Variants in DMRT1 observed in about 807,000 individuals in gnomAD.
The protein encoded by DMRT1 is doublesex and mab-3 related transcription factor 1, also known as doublesex- and mab-3-related transcription factor 1.
DMRT1 carries 7 observed loss-of-function variants against 32.3 expected under a neutral mutation model. The observed-to-expected ratio is 0.22, with a 90% confidence interval of 0.12 to 0.41. DMRT1 has a LOEUF of 0.41. Ranked by LOEUF, DMRT1 falls within the 10% of genes least tolerant of loss-of-function variation. DMRT1 has a pLI of 1.00. For missense variants in DMRT1, 625 were observed against 500.5 expected, an observed-to-expected ratio of 1.25 and a Z score of -2.37; for synonymous variants, 278 against 206.1, an observed-to-expected ratio of 1.35 and a Z score of -2.99.
chr9:845,457 C>G (rs1352486188), intron 1 of DMRT1, among the ~76,000 whole-genome samples: 1 of 152,142 alleles, frequency 6.6e-6, no homozygotes, highest in African/African-American at 2.4e-5. Context: ...ATACACCTGC[C>G]TCAGCATCGC....
chr9:954,317 C>A (rs551518482), intron 4 of DMRT1, among the ~76,000 whole-genome samples: 3 of 151,988 alleles, frequency 2.0e-5, no homozygotes, highest in East Asian at 1.9e-4. Flanking sequence ...GAGAAGGGAC[C>A]GGATAGGGCA....
chr9:882,392 C>T (rs1816766811), intron 2 of DMRT1, among the ~76,000 whole-genome samples: 1 of 152,316 alleles, frequency 6.6e-6, no homozygotes, highest in Non-Finnish European at 1.5e-5. Flanking sequence ...TGTGTGTCTC[C>T]TCTCTTTCCT....
chr9:858,449 T>C (rs1041276622), intron 2 of DMRT1, among the ~76,000 whole-genome samples: 1 of 152,202 alleles, frequency 6.6e-6, no homozygotes, highest in African/African-American at 2.4e-5. Flanking sequence ...GAGGATCCTG[T>C]CCTGTTGATC....
Position 944,115 on chromosome 9 carries a change from G to A in DMRT1, c.968-23870G>A, listed in dbSNP as rs755167690. Among the ~76,000 whole-genome samples the A allele has an allele frequency of 8.5e-5, 13 of 152,198 alleles. No individual in the cohort carries two copies. In the South Asian group the frequency reaches 1.0e-3, roughly 12 times the overall value. On this transcript the variant is annotated intron_variant, in intron 4 of 4. Transcript: ENST00000382276. The stretch of plus-strand genomic sequence containing the variant: ...TCCTGACTGTAAGTTGGAGGTGATA[G>A]GATGCATTTCATTTAGTTTTTGTGT...
chr9:949,903 G>A (rs1269745849), intron 4 of DMRT1, among the ~76,000 whole-genome samples: 1 of 152,098 alleles, frequency 6.6e-6, no homozygotes. Flanking sequence ...TCTTTTTAAG[G>A]CTGAATAATA....
intron 4 of DMRT1, among the ~76,000 whole-genome samples, chr9:962,847 A>G (rs573061716): frequency 1.3e-5 from 2 of 152,258 alleles, no homozygotes; most frequent in South Asian, 4.2e-4. Context: ...GCAGCAGGGA[A>G]ACTAATCTGC....
intron 2 of DMRT1, among the ~76,000 whole-genome samples, chr9:871,354 A>G (rs1816242102): frequency 7.2e-6 from 1 of 138,580 alleles, no homozygotes. Context: ...TTTTTTTGAG[A>G]CTGAGTCTTG....
intron 3 of DMRT1, among the ~76,000 whole-genome samples, chr9:897,731 C>T (rs999026028): frequency 3.2e-4 from 48 of 152,108 alleles, no homozygotes; most frequent in African/African-American, 6.0e-4. Flanking sequence ...CCACCGCGCC[C>T]GGCCTAAAAA....
rs192251430 is a variant in DMRT1 at position 952,430 on chromosome 9, G to A, written c.968-15555G>A. On this transcript the variant is annotated intron_variant, in intron 4 of 4. Coordinates refer to ENST00000382276, the MANE Select transcript of DMRT1 (RefSeq NM_021951.3). ...CTAAAATTTATACTTTTAAAATTAC[G>A]GTGTAATCAAAAGGCCAGGCAGCCC... Among the ~76,000 whole-genome samples, 15 of 152,256 alleles carry A rather than the reference G, an allele frequency of 9.9e-5. No homozygotes were observed. In the East Asian group the frequency reaches 2.5e-3, roughly 25 times the overall value.
chr9:868,536 C>G (rs1816090330), intron 2 of DMRT1, among the ~76,000 whole-genome samples: 4 of 152,314 alleles, frequency 2.6e-5, no homozygotes, highest in African/African-American at 9.6e-5. Flanking sequence ...AATCGCAGTT[C>G]CAGCTATGTT....
intron 4 of DMRT1, among the ~76,000 whole-genome samples, chr9:930,395 G>C (rs946675319): frequency 6.6e-6 from 1 of 151,772 alleles, no homozygotes; most frequent in Non-Finnish European, 1.5e-5. Context: ...ACCACACTTG[G>C]CTATTTTTTT....
intron 1 of DMRT1, among the ~76,000 whole-genome samples, chr9:845,343 G>C (rs146657791): frequency 1.3e-5 from 2 of 152,004 alleles, no homozygotes; most frequent in South Asian, 4.2e-4. Context: ...GAGTACCTGG[G>C]ATTACAGGCG....
chr9:850,340 C>A (rs1839092800), intron 2 of DMRT1, among the ~76,000 whole-genome samples: 3 of 152,194 alleles, frequency 2.0e-5, no homozygotes, highest in African/African-American at 4.8e-5. Context: ...GCCAAAAAAA[C>A]AAACACACTG....
At chr9:872,647 T>C (rs930337939) in intron 2 of DMRT1, among the ~76,000 whole-genome samples, 2 of 152,250 alleles carry the variant, frequency 1.3e-5, no homozygotes, top group African/African-American at 4.8e-5. Flanking sequence ...GTAGCATGTT[T>C]CAGGACATCA....
chr9:937,835 T>C (rs1367402666), intron 4 of DMRT1, among the ~76,000 whole-genome samples: 1 of 149,376 alleles, frequency 6.7e-6, no homozygotes, highest in East Asian at 1.9e-4. Flanking sequence ...TGCACAAAAG[T>C]TTTTTTTTTA....
At chr9:892,235 G>T (rs779144311) in intron 2 of DMRT1, among the ~76,000 whole-genome samples, 1 of 152,134 alleles carries the variant, frequency 6.6e-6, no homozygotes, top group South Asian at 2.1e-4. Flanking sequence ...CCTCTGTGAC[G>T]TTGTATTCTC....
At chr9:850,245 G>C (rs903430378) in intron 2 of DMRT1, among the ~76,000 whole-genome samples, 1 of 152,168 alleles carries the variant, frequency 6.6e-6, no homozygotes, top group African/African-American at 2.4e-5. Context: ...GTTAGGATGT[G>C]AGCAAGAGGG....
At position 921,301 on chromosome 9, in the gene DMRT1, T is replaced by G. The variant is rs140806306; in HGVS notation, c.967+4394T>G. On this transcript the variant is annotated intron_variant, in intron 4 of 4. Transcript: ENST00000382276. Reference sequence around the variant, plus strand: ...AAATGTTTTCATGATTCAGCTACACTGTCGTATAGATCAGTATTTCATTCG... The same window carrying G: ...AAATGTTTTCATGATTCAGCTACACGGTCGTATAGATCAGTATTTCATTCG... Among the ~76,000 whole-genome samples, 9 of 152,364 alleles carry G rather than the reference T, an allele frequency of 5.9e-5. No homozygotes were observed. The East Asian group carries it at 1.7e-3, about 29-fold the overall frequency.
At chr9:880,724 CAAAAAAAAAAAAA>C (rs754419367) in intron 2 of DMRT1, among the ~76,000 whole-genome samples, 1 of 62,102 alleles carries the variant, frequency 1.6e-5, no homozygotes, top group East Asian at 5.5e-4. Context: ...AACTCAGTCT[CAAAAAAAAAAAAA>C]AAAAAAGAAA....
Sources: allele counts gnomAD v4.1 joint callset (sites outside exome capture counted in the v4.1 genomes callset), GRCh38; gene constraint gnomAD v4.1.1; transcripts MANE v1.5; gene names NCBI Gene and HGNC (gene_info 2026-07-23, HGNC 2026-07-21).